Variants in PAPOLG observed in about 807,000 individuals in gnomAD.
PAPOLG encodes PAP-gamma.
Under a neutral mutation model 99.0 loss-of-function variants are expected in PAPOLG, and 40 were observed. The ratio of observed to expected loss-of-function variants is 0.40; its 90% CI spans 0.31 to 0.53. The LOEUF is 0.53. Ranked by LOEUF, PAPOLG falls within the 20% of genes least tolerant of loss-of-function variation. PAPOLG has a pLI of 0.41. For synonymous variants in PAPOLG, 310 were observed against 299.3 expected, an observed-to-expected ratio of 1.04 and a Z score of -0.37; for missense variants, 675 against 884.1, an observed-to-expected ratio of 0.76 and a Z score of 3.00.
intron 8 of PAPOLG, among the ~76,000 whole-genome samples, chr2:60,778,858 C>T (rs1671103990): frequency 6.6e-6 from 1 of 152,180 alleles, no homozygotes; most frequent in Non-Finnish European, 1.5e-5. Context: ...ATATTTACCA[C>T]ATCTGAAATT....
intron 1 of PAPOLG, 93 bp from the exon 2 acceptor site, chr2:60,760,041 G>A (rs1670476626): frequency 1.5e-6 from 2 of 1,296,542 alleles, no homozygotes; most frequent in Admixed American, 5.4e-5. Flanking sequence ...TTTTAAGGTA[G>A]CTAAATTAAC....
rs1671780630 is a variant in PAPOLG at position 60,798,614 on chromosome 2, G to C, written c.*1454G>C. ...CACTCAGCATTTAGTAGGTCCAGTAGGAAAAACCCAAAATGGTACATTGAG... is the reference window on the plus strand; with the variant it reads ...CACTCAGCATTTAGTAGGTCCAGTACGAAAAACCCAAAATGGTACATTGAG... On this transcript the variant is annotated 3_prime_UTR_variant, in exon 22 of 22. Coordinates refer to ENST00000238714, the MANE Select transcript of PAPOLG (RefSeq NM_022894.4). 1 of 152,308 alleles carries C rather than the reference G, an allele frequency of 6.6e-6. No homozygotes were observed. The highest frequency in any genetic ancestry group is 1.5e-5 in the Non-Finnish European group (1 of 68,042). 9.4% of individuals were successfully genotyped at this position (152,308 alleles called of 1,614,324 possible).
chr2:60,771,482 A>T, intron 6 of PAPOLG, 37 bp from the exon 7 acceptor site: 1 of 1,566,234 alleles, frequency 6.4e-7, no homozygotes, highest in South Asian at 1.2e-5. Context: ...AAAGGAGAAA[A>T]TGTAATTTTT....
At chr2:60,784,879 G>C (rs776386162) in intron 13 of PAPOLG, among the ~76,000 whole-genome samples, 1 of 152,090 alleles carries the variant, frequency 6.6e-6, no homozygotes, top group Non-Finnish European at 1.5e-5. Context: ...TTGCCAACCC[G>C]TCATTTAGAT....
chr2:60,768,685 A>T, intron 4 of PAPOLG, 96 bp from the exon 5 acceptor site: 2 of 1,351,884 alleles, frequency 1.5e-6, no homozygotes, highest in Non-Finnish European at 2.0e-6. Context: ...CTTGTACTCA[A>T]CTTCCATACT....
intron 6 of PAPOLG, 35 bp from the exon 7 acceptor site, chr2:60,771,484 G>A: frequency 6.4e-7 from 1 of 1,565,396 alleles, no homozygotes; most frequent in Non-Finnish European, 8.6e-7. Context: ...AGGAGAAAAT[G>A]TAATTTTTTT....
intron 8 of PAPOLG, among the ~76,000 whole-genome samples, chr2:60,778,148 A>G (rs966379159): frequency 6.6e-6 from 1 of 151,882 alleles, no homozygotes; most frequent in Admixed American, 6.6e-5. Context: ...TTTATATTTT[A>G]TTTCATTTTA....
chr2:60,758,328 G>GTTTT (rs61243299), intron 1 of PAPOLG, among the ~76,000 whole-genome samples: 9 of 71,342 alleles, frequency 1.3e-4, no homozygotes, highest in African/African-American at 5.1e-4. Context: ...GGTTTCTGGG[G>GTTTT]TTTTTTTTTT....
intron 3 of PAPOLG, among the ~76,000 whole-genome samples, chr2:60,762,276 G>C (rs1407918114): frequency 6.6e-6 from 1 of 151,926 alleles, no homozygotes; most frequent in Non-Finnish European, 1.5e-5. Context: ...TTGCCTACCT[G>C]CTTGGTTCCT....
At position 60,794,004 on chromosome 2, in the gene PAPOLG, C is replaced by A. The variant is rs757448812; in HGVS notation, c.1802C>A (p.Pro601His). ...VDSTVKTVSP[P>H]TVCTIPTVVG... ...TCTACAGTAAAAACTGTATCACCCC[C>A]CACTGTGTGTACCATTCCTACCGTA... The change falls in exon 19 of 22, where the codon CCC becomes CAC. Residue 601 changes from proline (P) to histidine (H), a missense_variant. Coordinates refer to ENST00000238714, the MANE Select transcript of PAPOLG (RefSeq NM_022894.4). The A allele has an allele frequency of 1.4e-5, 23 of 1,612,196 alleles. No individual in the cohort carries two copies. Among genetic ancestry groups the A allele is most frequent in the Non-Finnish European group, 1.9e-5 (22 of 1,178,360 alleles).
chr2:60,769,757 T>C (rs1670793230), intron 5 of PAPOLG, among the ~76,000 whole-genome samples: 1 of 152,132 alleles, frequency 6.6e-6, no homozygotes, highest in Non-Finnish European at 1.5e-5. Context: ...TTTTTGTTTG[T>C]TTTTTTAATT....
intron 13 of PAPOLG, among the ~76,000 whole-genome samples, chr2:60,785,224 C>T (rs754784247): frequency 6.6e-6 from 1 of 151,908 alleles, no homozygotes; most frequent in Non-Finnish European, 1.5e-5. Flanking sequence ...CTGAAAGCTC[C>T]ACCTCCCAGG....
chr2:60,759,106 C>T (rs917895542), intron 1 of PAPOLG, among the ~76,000 whole-genome samples: 2 of 151,986 alleles, frequency 1.3e-5, no homozygotes. Flanking sequence ...CGGGGGCTCA[C>T]GCCTGTGATC....
chr2:60,795,267 C>A (rs1024535669), intron 21 of PAPOLG: 26 of 616,126 alleles, frequency 4.2e-5, no homozygotes, highest in Non-Finnish European at 7.8e-5. Context: ...ATTATGTTCA[C>A]CCTTTGTTTT....
intron 2 of PAPOLG, 64 bp from the exon 3 acceptor site, chr2:60,761,649 ATCAACACAAAGGGTACTGCCTATATGGG>A: frequency 9.4e-7 from 1 of 1,068,828 alleles, no homozygotes; most frequent in East Asian, 2.4e-5. Flanking sequence ...TTACCCCAGC[ATCAACACAAAGGGTACTGCCTATATGGG>A]TTTTTAAAAA....
chr2:60,762,811 G>C (rs375308371), intron 3 of PAPOLG, among the ~76,000 whole-genome samples: 7 of 152,036 alleles, frequency 4.6e-5, no homozygotes, highest in East Asian at 1.9e-4. Context: ...ATTTTTAGTA[G>C]AGACGTGGTT....
rs766498590 is a variant in PAPOLG, at chr2:60,760,300, G to C, written c.179+5G>C. ...TGAGGAAGAATTGAACCACAGGTAT[G>C]TCATTGAAAACCATAAAATATTTGA... On this transcript the variant is annotated splice_donor_5th_base_variant and intron_variant, in intron 2 of 21. Transcript: ENST00000238714. 1.2e-6 allele frequency: 2 copies of C among 1,606,266 alleles called. No homozygotes were observed. The highest frequency in any genetic ancestry group is 4.5e-5 in the East Asian group (2 of 44,816).
chr2:60,756,279 C>A lies in PAPOLG; in HGVS notation c.-200C>A. On this transcript the variant is annotated 5_prime_UTR_variant, in exon 1 of 22. Transcript: ENST00000238714. Reference sequence around the variant, plus strand: ...GGAAGCGGCGCCATATTGGCGTCGGCCGCGCTGTATTGTCATAAATAGAGC... The same window carrying A: ...GGAAGCGGCGCCATATTGGCGTCGGACGCGCTGTATTGTCATAAATAGAGC... The A allele has an allele frequency of 1.6e-6, 1 of 638,636 alleles. No homozygotes were observed. The highest frequency in any genetic ancestry group is 2.8e-6 in the Non-Finnish European group (1 of 360,934). 39.6% of individuals were successfully genotyped at this position (638,636 alleles called of 1,614,324 possible). A position where few individuals can be genotyped will look rare whatever the true frequency, so the allele number is the denominator to read the frequency against.
chr2:60,783,253 G>A (rs748836515), intron 13 of PAPOLG, 44 bp downstream of exon 13: 6 of 1,205,174 alleles, frequency 5.0e-6, no homozygotes, highest in Admixed American at 4.6e-5. Context: ...TGTGGTGATA[G>A]TAACTTATTT....
Sources: allele counts gnomAD v4.1 joint callset (sites outside exome capture counted in the v4.1 genomes callset), GRCh38; gene constraint gnomAD v4.1.1; transcripts MANE v1.5; gene names NCBI Gene and HGNC (gene_info 2026-07-23, HGNC 2026-07-21).